The following SNX29 variants were observed in gnomAD, a reference collection of about 807,000 sequenced individuals.
SNX29 encodes the protein sorting nexin-29.
In SNX29, 78 loss-of-function variants were observed where a neutral mutation model predicts 102.1. That is an observed-to-expected ratio of 0.76 (90% CI 0.64 to 0.92). SNX29 has a LOEUF of 0.92. SNX29 is among the 40% of genes least tolerant of loss of function. The pLI, the probability that SNX29 is intolerant of heterozygous loss-of-function variation, is 0.00. For missense variants in SNX29, 1,280 were observed against 1,061.7 expected (o/e 1.21, Z -2.86); for synonymous variants, 580 against 414.5 (o/e 1.40, Z -4.85).
At chr16:12,026,695 C>T (rs994663289) in intron 3 of SNX29, among the ~76,000 whole-genome samples, 12 of 152,128 alleles carry the variant, frequency 7.9e-5, no homozygotes, top group South Asian at 2.1e-4. Flanking sequence ...TATTCTCTTA[C>T]AACAGAATAA....
At chr16:12,079,959 A>G (rs2051783293) in intron 11 of SNX29, among the ~76,000 whole-genome samples, 1 of 152,214 alleles carries the variant, frequency 6.6e-6, no homozygotes, top group South Asian at 2.1e-4. Context: ...TGGGTGAAAT[A>G]TAGTATTTTC....
At chr16:12,314,211 C>G (rs751211929) in intron 15 of SNX29, among the ~76,000 whole-genome samples, 6 of 152,218 alleles carry the variant, frequency 3.9e-5, no homozygotes, top group Admixed American at 3.9e-4. Flanking sequence ...GTTGCCCAGG[C>G]TGGTCCCAAA....
At chr16:12,566,417 T>G (rs1449735350) in intron 20 of SNX29, among the ~76,000 whole-genome samples, 2 of 48,836 alleles carry the variant, frequency 4.1e-5, no homozygotes, top group South Asian at 4.9e-4. Context: ...GCCTGTTACC[T>G]CCAGGGCCTC....
intron 16 of SNX29, among the ~76,000 whole-genome samples, chr16:12,395,751 T>G (rs2083697455): frequency 6.6e-6 from 1 of 152,238 alleles, no homozygotes; most frequent in Non-Finnish European, 1.5e-5. Flanking sequence ...CAGTAGAAAG[T>G]TGATTTTTCT....
At chr16:12,527,290 C>T (rs1182832820) in intron 20 of SNX29, 2 of 532,090 alleles carry the variant, frequency 3.8e-6, no homozygotes, top group East Asian at 4.0e-5. Flanking sequence ...TCTCCATGTG[C>T]TGCCCACAGA....
intron 16 of SNX29, among the ~76,000 whole-genome samples, chr16:12,363,416 C>T (rs1331901905): frequency 6.6e-6 from 1 of 152,200 alleles, no homozygotes; most frequent in African/African-American, 2.4e-5. Flanking sequence ...CTCCCAGACA[C>T]CAGGGTGTTC....
chr16:11,999,217 C>T, intron 1 of SNX29, 80 bp from the exon 2 acceptor site: 4 of 1,291,616 alleles, frequency 3.1e-6, no homozygotes, highest in South Asian at 1.3e-5. Flanking sequence ...TGTTAAAGAT[C>T]AGTAGGAAAG....
intron 13 of SNX29, among the ~76,000 whole-genome samples, chr16:12,174,483 A>G (rs774652585): frequency 3.3e-5 from 5 of 151,970 alleles, no homozygotes; most frequent in Non-Finnish European, 5.9e-5. Flanking sequence ...TGCCCATTTG[A>G]GCTCTGGGCA....
At chr16:12,562,409 A>G (rs142945420) in intron 20 of SNX29, among the ~76,000 whole-genome samples, 1 of 152,228 alleles carries the variant, frequency 6.6e-6, no homozygotes, top group East Asian at 1.9e-4. Context: ...CATACCATAC[A>G]ATTTACCCAC....
intron 13 of SNX29, among the ~76,000 whole-genome samples, chr16:12,191,843 G>T (rs188856213): frequency 1.3e-5 from 2 of 152,318 alleles, no homozygotes; most frequent in East Asian, 3.9e-4. Context: ...CTATTCTGGG[G>T]GAGTCCTCAT....
chr16:12,484,683 A>G (rs1377435858), intron 19 of SNX29, among the ~76,000 whole-genome samples: 1 of 152,054 alleles, frequency 6.6e-6, no homozygotes, highest in Non-Finnish European at 1.5e-5. Flanking sequence ...TGGAATGGCC[A>G]TTCCCAGATT....
intron 16 of SNX29, among the ~76,000 whole-genome samples, chr16:12,381,803 C>G (rs1023622247): frequency 2.4e-4 from 32 of 133,756 alleles, no homozygotes; most frequent in Admixed American, 1.9e-3. Flanking sequence ...CATCTACCAT[C>G]TGTCATCCAT....
intron 10 of SNX29, among the ~76,000 whole-genome samples, chr16:12,073,760 C>G (rs2051413296): frequency 6.6e-6 from 1 of 152,116 alleles, no homozygotes; most frequent in African/African-American, 2.4e-5. Flanking sequence ...CTAATGTTGA[C>G]AGTGGGGTGT....
chr16:12,004,665 A>G (rs920324828), intron 3 of SNX29, among the ~76,000 whole-genome samples: 7 of 152,066 alleles, frequency 4.6e-5, no homozygotes, highest in Admixed American at 1.3e-4. Context: ...TCCTGTGTCC[A>G]TCGTTCCTCT....
At chr16:12,158,733 C>A (rs541765133) in intron 13 of SNX29, among the ~76,000 whole-genome samples, 2 of 152,234 alleles carry the variant, frequency 1.3e-5, no homozygotes, top group Non-Finnish European at 2.9e-5. Flanking sequence ...GAGTGGAACC[C>A]TGCTCCCTCA....
chr16:12,520,798 C>T (rs955420276), intron 19 of SNX29, among the ~76,000 whole-genome samples: 9 of 151,942 alleles, frequency 5.9e-5, no homozygotes, highest in Non-Finnish European at 7.4e-5. Context: ...GGGACTCAGG[C>T]GTGGGGGAGG....
chr16:12,574,270 A>G lies in SNX29; in HGVS notation c.*5641A>G, dbSNP rs954626937. The stretch of plus-strand genomic sequence containing the variant: ...AATGACACAAATTGTGACATTTTAT[A>G]AATTAGATACTTCAGTGGATGGTCT... On this transcript the variant is annotated 3_prime_UTR_variant, in exon 21 of 21. Coordinates refer to ENST00000566228, the MANE Select transcript of SNX29 (RefSeq NM_032167.5). 1.7e-5 allele frequency: 3 copies of G among 174,278 alleles called. No individual in the cohort carries two copies. The highest frequency in any genetic ancestry group is 2.0e-4 in the South Asian group (1 of 5,030). 10.8% of individuals were successfully genotyped at this position (174,278 alleles called of 1,614,324 possible).
At chr16:12,539,047 C>T (rs11645403) in intron 20 of SNX29, among the ~76,000 whole-genome samples, 27 of 152,142 alleles carry the variant, frequency 1.8e-4, no homozygotes, top group Admixed American at 1.4e-3. Context: ...CCCAGAAAGA[C>T]ATCACTGTGT....
At chr16:12,442,661 G>T (rs769477224) in intron 18 of SNX29, among the ~76,000 whole-genome samples, 1 of 151,834 alleles carries the variant, frequency 6.6e-6, no homozygotes, top group Non-Finnish European at 1.5e-5. Context: ...CACAATCATG[G>T]CTCAGTGTAG....
Sources: allele counts gnomAD v4.1 joint callset (sites outside exome capture counted in the v4.1 genomes callset), GRCh38; gene constraint gnomAD v4.1.1; transcripts MANE v1.5; gene names NCBI Gene and HGNC (gene_info 2026-07-23, HGNC 2026-07-21).